SPOCK1: variants seen among roughly 807,000 people sequenced by gnomAD.
SPOCK1 encodes the protein testican-1.
Under a neutral mutation model 55.3 loss-of-function variants are expected in SPOCK1, and 23 were observed. The ratio of observed to expected loss-of-function variants is 0.42; its 90% CI spans 0.30 to 0.59. SPOCK1 has a LOEUF of 0.59. SPOCK1 is among the 20% of genes least tolerant of loss of function. The pLI, the probability that SPOCK1 is intolerant of heterozygous loss-of-function variation, is 0.22. For synonymous variants in SPOCK1, 226 were observed against 221.0 expected, an observed-to-expected ratio of 1.02 and a Z score of -0.20; for missense variants, 499 against 552.5, an observed-to-expected ratio of 0.90 and a Z score of 0.97.
At chr5:137,024,372 A>G (rs1371590495) in intron 6 of SPOCK1, among the ~76,000 whole-genome samples, 4 of 151,518 alleles carry the variant, frequency 2.6e-5, no homozygotes, top group Non-Finnish European at 4.4e-5. Context: ...CACTGATGTA[A>G]AGCTGGGATC....
At chr5:137,377,942 C>CTTTTTTT (rs3043282) in intron 2 of SPOCK1, among the ~76,000 whole-genome samples, 3 of 104,622 alleles carry the variant, frequency 2.9e-5, no homozygotes, top group Non-Finnish European at 5.5e-5. Flanking sequence ...TCACTTCTTC[C>CTTTTTTT]TTTTTTTTTT....
At chr5:137,434,480 CTTTTTTTTT>C (rs146762668) in intron 2 of SPOCK1, among the ~76,000 whole-genome samples, 18 of 68,186 alleles carry the variant, frequency 2.6e-4, no homozygotes, top group East Asian at 9.4e-4. Context: ...TCTTTTTTTT[CTTTTTTTTT>C]TTTTTTTTTT....
intron 2 of SPOCK1, among the ~76,000 whole-genome samples, chr5:137,454,700 T>C (rs558720516): frequency 3.3e-5 from 5 of 152,346 alleles, no homozygotes; most frequent in African/African-American, 1.2e-4. Context: ...ATGATTGGCA[T>C]GATGAGAATG....
chr5:137,145,912 G>A (rs1207167728), intron 3 of SPOCK1, among the ~76,000 whole-genome samples: 1 of 152,190 alleles, frequency 6.6e-6, no homozygotes, highest in South Asian at 2.1e-4. Flanking sequence ...GAGGCTGGCA[G>A]CAGTTGGAGC....
At chr5:137,214,988 T>A (rs894436225) in intron 3 of SPOCK1, among the ~76,000 whole-genome samples, 5 of 152,142 alleles carry the variant, frequency 3.3e-5, no homozygotes, top group African/African-American at 9.7e-5. Context: ...GCATACCATG[T>A]CCTAAGCATA....
rs558621985 is a variant in SPOCK1, at chr5:137,497,375, T to C, written c.186+998A>G. On this transcript the variant is annotated intron_variant, in intron 2 of 10. Coordinates refer to ENST00000394945, the MANE Select transcript of SPOCK1 (RefSeq NM_004598.4). The stretch of plus-strand genomic sequence containing the variant: ...TTTGAACATTAAAGCTTTTCTCTTT[T>C]TTACTGTTATGCCTTGGGCACTTTT... 6.1e-4 allele frequency among the ~76,000 whole-genome samples: 93 copies of C among 152,374 alleles called. 1 individual carries two copies. The highest frequency in any genetic ancestry group is 2.1e-3 in the African/African-American group (86 of 41,586).
At chr5:137,148,825 T>C (rs898526489) in intron 3 of SPOCK1, among the ~76,000 whole-genome samples, 10 of 152,104 alleles carry the variant, frequency 6.6e-5, no homozygotes, top group African/African-American at 2.4e-4. Flanking sequence ...TCTTGGCGAG[T>C]CTCACACCAA....
intron 3 of SPOCK1, among the ~76,000 whole-genome samples, chr5:137,266,404 G>A (rs1449741771): frequency 6.6e-6 from 1 of 152,188 alleles, no homozygotes; most frequent in Non-Finnish European, 1.5e-5. Context: ...CTCACAGGAG[G>A]ACACTGTTAG....
intron 2 of SPOCK1, among the ~76,000 whole-genome samples, chr5:137,441,405 A>T (rs1443571373): frequency 6.6e-6 from 1 of 152,224 alleles, no homozygotes; most frequent in Non-Finnish European, 1.5e-5. Context: ...TTGGGACTGG[A>T]CCAAGGTTCC....
chr5:137,215,281 C>T (rs1755694731), intron 3 of SPOCK1, among the ~76,000 whole-genome samples: 1 of 152,194 alleles, frequency 6.6e-6, no homozygotes, highest in Non-Finnish European at 1.5e-5. Flanking sequence ...GGTGAAATGT[C>T]TTCCAGGCAG....
intron 2 of SPOCK1, among the ~76,000 whole-genome samples, chr5:137,320,518 G>A (rs1757961728): frequency 6.6e-6 from 1 of 152,228 alleles, no homozygotes; most frequent in Non-Finnish European, 1.5e-5. Flanking sequence ...CTGACTTAGA[G>A]TGCTGACAGA....
chr5:137,410,438 A>G (rs1561528267), intron 2 of SPOCK1, among the ~76,000 whole-genome samples: 1 of 152,194 alleles, frequency 6.6e-6, no homozygotes, highest in Non-Finnish European at 1.5e-5. Flanking sequence ...TTAAGATGTT[A>G]TGAGCAGGCT....
At chr5:137,356,071 C>T (rs34545385) in intron 2 of SPOCK1, among the ~76,000 whole-genome samples, 4,559 of 152,296 alleles carry the variant, frequency 0.03, 96 homozygotes, top group Non-Finnish European at 0.045. Context: ...AACAGCCCTG[C>T]CCTGAGCTCA....
chr5:137,367,166 A>G (rs550721137), intron 2 of SPOCK1, among the ~76,000 whole-genome samples: 2 of 152,328 alleles, frequency 1.3e-5, no homozygotes, highest in South Asian at 2.1e-4. Flanking sequence ...GCCTCCATCA[A>G]TGGCTTTCCT....
At chr5:137,086,588 C>T (rs750840608) in intron 5 of SPOCK1, among the ~76,000 whole-genome samples, 4 of 152,216 alleles carry the variant, frequency 2.6e-5, no homozygotes, top group East Asian at 3.9e-4. Flanking sequence ...TTCTGTATGC[C>T]GGGTTGGAAT....
intron 2 of SPOCK1, among the ~76,000 whole-genome samples, chr5:137,411,416 G>C (rs1489972520): frequency 1.3e-5 from 2 of 152,144 alleles, no homozygotes; most frequent in African/African-American, 4.8e-5. Context: ...TGGAGGGAGA[G>C]GCAGGGCCAA....
intron 2 of SPOCK1, among the ~76,000 whole-genome samples, chr5:137,340,769 T>C (rs898507261): frequency 1.3e-5 from 2 of 151,904 alleles, no homozygotes; most frequent in Non-Finnish European, 2.9e-5. Context: ...TAATCCCTGT[T>C]ACTCAGGGGG....
chr5:137,259,667 AAAAGT>A (rs1352682072), intron 3 of SPOCK1, among the ~76,000 whole-genome samples: 1 of 149,274 alleles, frequency 6.7e-6, no homozygotes, highest in Non-Finnish European at 1.5e-5. Flanking sequence ...AAAACAGATG[AAAAGT>A]AAAGACACAT....
chr5:137,348,187 TGAA>T (rs1192372859), intron 2 of SPOCK1, among the ~76,000 whole-genome samples: 1 of 152,118 alleles, frequency 6.6e-6, no homozygotes, highest in Non-Finnish European at 1.5e-5. Flanking sequence ...AATGAACAAA[TGAA>T]GAAGGTAAAC....
Sources: gnomAD v4.1 joint callset for allele counts (sites outside exome capture counted in the v4.1 genomes callset) on GRCh38, gnomAD v4.1.1 for gene constraint, MANE v1.5 for transcripts, NCBI Gene and HGNC (gene_info 2026-07-23, HGNC 2026-07-21) for gene names.